The following DLGAP1 variants were observed in gnomAD, a reference collection of about 807,000 sequenced individuals.
DLGAP1 encodes the protein DLG associated protein 1, also known as disks large-associated protein 1.
A neutral mutation model predicts 90.8 loss-of-function variants in DLGAP1; 11 were observed. The observed-to-expected ratio is 0.12, with a 90% CI of 0.08 to 0.20. The LOEUF is 0.20. DLGAP1 is among the 10% of genes least tolerant of loss of function. DLGAP1 has a pLI of 1.00. For missense variants in DLGAP1, 1,050 were observed against 1,333.8 expected (o/e 0.79, Z 3.31); for synonymous variants, 558 against 540.7 (o/e 1.03, Z -0.44).
chr18:4,226,106 T>C (rs1247780646), intron 1 of DLGAP1, among the ~76,000 whole-genome samples: 2 of 152,122 alleles, frequency 1.3e-5, no homozygotes, highest in East Asian at 3.9e-4. Context: ...GACTTTTCAG[T>C]GGAAACCTTA....
intron 1 of DLGAP1, chr18:4,430,460 A>T (rs553986223): frequency 6.6e-6 from 1 of 150,786 alleles, no homozygotes; most frequent in South Asian, 2.1e-4. Flanking sequence ...ATTCTTTGAT[A>T]GGAAATCCCT....
chr18:4,314,598 T>C (rs1466378977), intron 1 of DLGAP1, among the ~76,000 whole-genome samples: 1 of 152,222 alleles, frequency 6.6e-6, no homozygotes, highest in Non-Finnish European at 1.5e-5. Flanking sequence ...CTCTAAAATA[T>C]GTTTTATAAA....
At chr18:4,120,665 TACTC>T (rs2076137933) in intron 2 of DLGAP1, among the ~76,000 whole-genome samples, 1 of 150,810 alleles carries the variant, frequency 6.6e-6, no homozygotes, top group South Asian at 2.1e-4. Flanking sequence ...AAATTAAAAG[TACTC>T]AGTCATGCAA....
At chr18:3,635,428 C>G (rs945263294) in intron 7 of DLGAP1, among the ~76,000 whole-genome samples, 1 of 150,508 alleles carries the variant, frequency 6.6e-6, no homozygotes, top group Non-Finnish European at 1.5e-5. Flanking sequence ...CGTGAGCCAC[C>G]GCGCCCGGCC....
intron 6 of DLGAP1, among the ~76,000 whole-genome samples, chr18:3,735,966 A>G (rs967970210): frequency 6.6e-6 from 1 of 151,954 alleles, no homozygotes; most frequent in Non-Finnish European, 1.5e-5. Flanking sequence ...ACACACACAC[A>G]CGCAAGCACA....
chr18:3,995,479 T>C (rs956615824), intron 3 of DLGAP1: 4 of 152,164 alleles, frequency 2.6e-5, no homozygotes, highest in African/African-American at 7.2e-5. Flanking sequence ...CAGGAAGAGC[T>C]TGTCCCTAAA....
At chr18:3,640,675 G>A (rs1372696330) in intron 7 of DLGAP1, among the ~76,000 whole-genome samples, 1 of 152,194 alleles carries the variant, frequency 6.6e-6, no homozygotes. Context: ...CCTAGCTGAG[G>A]GCCAAAGACG....
chr18:3,744,595 C>T (rs1055937480), intron 5 of DLGAP1, among the ~76,000 whole-genome samples: 1 of 152,184 alleles, frequency 6.6e-6, no homozygotes. Flanking sequence ...GAGTCTCACT[C>T]TGTCGCCCAG....
At chr18:4,102,627 A>G (rs1476126221) in intron 2 of DLGAP1, among the ~76,000 whole-genome samples, 2 of 152,162 alleles carry the variant, frequency 1.3e-5, no homozygotes, top group East Asian at 3.9e-4. Flanking sequence ...ATGAAAATGA[A>G]GTCGCTTCCT....
At chr18:3,554,579 C>G (rs919415589) in intron 9 of DLGAP1, among the ~76,000 whole-genome samples, 1 of 152,184 alleles carries the variant, frequency 6.6e-6, no homozygotes, top group Non-Finnish European at 1.5e-5. Context: ...TGTGCATTTG[C>G]GATCCATGGC....
At chr18:3,813,698 C>T (rs754287460) in intron 5 of DLGAP1, among the ~76,000 whole-genome samples, 8 of 151,996 alleles carry the variant, frequency 5.3e-5, no homozygotes, top group Non-Finnish European at 1.0e-4. Context: ...GTGTGTACTT[C>T]GTGCCTGAGC....
intron 1 of DLGAP1, among the ~76,000 whole-genome samples, chr18:4,298,896 A>G (rs1226276928): frequency 1.3e-5 from 2 of 152,146 alleles, no homozygotes; most frequent in East Asian, 1.9e-4. Context: ...CCGGGCCAAC[A>G]TGGTGAAACC....
intron 7 of DLGAP1, chr18:3,721,502 T>G (rs961970827): frequency 1.3e-5 from 2 of 152,160 alleles, no homozygotes; most frequent in Non-Finnish European, 2.9e-5. Context: ...AAAATTTAAT[T>G]TCAGTCTAGT....
intron 2 of DLGAP1, among the ~76,000 whole-genome samples, chr18:4,092,732 C>A (rs1213082170): frequency 1.3e-5 from 2 of 152,108 alleles, no homozygotes; most frequent in Non-Finnish European, 2.9e-5. Flanking sequence ...ATCCTCCAGG[C>A]TCACACCACC....
chr18:4,139,832 G>A (rs751262609), intron 2 of DLGAP1, among the ~76,000 whole-genome samples: 2 of 151,792 alleles, frequency 1.3e-5, no homozygotes, highest in Non-Finnish European at 2.9e-5. Context: ...ACATCCTCTT[G>A]CTGAATTGAA....
chr18:4,387,053 T>TA (rs1405844975), intron 1 of DLGAP1, among the ~76,000 whole-genome samples: 1 of 152,192 alleles, frequency 6.6e-6, no homozygotes, highest in African/African-American at 2.4e-5. Flanking sequence ...ATGATGCTGT[T>TA]ATTCTTCAAT....
intron 4 of DLGAP1, among the ~76,000 whole-genome samples, chr18:3,831,201 C>T (rs1314898758): frequency 6.6e-6 from 1 of 152,126 alleles, no homozygotes; most frequent in Non-Finnish European, 1.5e-5. Context: ...AGGCCACAAC[C>T]CCCAGCAGGG....
intron 1 of DLGAP1, among the ~76,000 whole-genome samples, chr18:4,192,401 C>G (rs553668015): frequency 6.6e-6 from 1 of 152,078 alleles, no homozygotes; most frequent in African/African-American, 2.4e-5. Context: ...GCAACTCATC[C>G]TTCCTCCCCA....
At chr18:4,058,332 A>G (rs2075251962) in intron 2 of DLGAP1, among the ~76,000 whole-genome samples, 1 of 151,922 alleles carries the variant, frequency 6.6e-6, no homozygotes, top group African/African-American at 2.4e-5. Flanking sequence ...AAAGAAATAG[A>G]CTCCCTTTCA....
Sources: allele counts gnomAD v4.1 joint callset (sites outside exome capture counted in the v4.1 genomes callset), GRCh38; gene constraint gnomAD v4.1.1; transcripts MANE v1.5; gene names NCBI Gene and HGNC (gene_info 2026-07-23, HGNC 2026-07-21).